The following CTNNA3 variants were observed in gnomAD, a reference collection of about 807,000 sequenced individuals.
CTNNA3 encodes the protein catenin alpha-3.
A neutral mutation model predicts 95.7 loss-of-function variants in CTNNA3; 76 were observed. The ratio of observed to expected loss-of-function variants is 0.79; its 90% CI spans 0.66 to 0.96. The LOEUF (loss-of-function observed/expected upper bound fraction) is 0.96, where lower values mean the gene tolerates loss of function less well. Among genes scored for constraint, CTNNA3 ranks in the 40% least tolerant of loss-of-function variants. CTNNA3 has a pLI of 0.00. For missense variants in CTNNA3, 1,191 were observed against 1,089.8 expected, an observed-to-expected ratio of 1.09 and a Z score of -1.31; for synonymous variants, 431 against 374.4, an observed-to-expected ratio of 1.15 and a Z score of -1.74.
chr10:66,996,874 T>C (rs773316108), intron 7 of CTNNA3, among the ~76,000 whole-genome samples: 2 of 152,074 alleles, frequency 1.3e-5, no homozygotes, highest in Non-Finnish European at 2.9e-5. Context: ...CATCTGTAAA[T>C]GTTCAGCAAT....
chr10:66,058,577 C>A (rs746316170), intron 15 of CTNNA3, among the ~76,000 whole-genome samples: 1 of 152,144 alleles, frequency 6.6e-6, no homozygotes, highest in Non-Finnish European at 1.5e-5. Flanking sequence ...CCAGTCAGAT[C>A]TTAGGCTCTC....
In CTNNA3 at chr10:67,564,677, G is replaced by GTATGTA. The variant is rs1554854250; in HGVS notation, c.293-25009_293-25008insTACATA. 4.9e-4 allele frequency among the ~76,000 whole-genome samples: 30 copies of GTATGTA among 61,312 alleles called. 1 individual carries two copies. The highest frequency in any genetic ancestry group is 1.9e-3 in the African/African-American group (30 of 15,664). The allele number at this position is 61,312 out of a possible 152,430, so 40.2% of individuals were successfully genotyped here. A position where few individuals can be genotyped will look rare whatever the true frequency, so the allele number is the denominator to read the frequency against. ...TATATGCATATATGTGTGTGTGTGT[G>GTATGTA]TATATATATATATATATATATATAT... On this transcript the variant is annotated intron_variant, in intron 3 of 17. Transcript: ENST00000433211.
chr10:65,930,587 C>T (rs1426373184), intron 17 of CTNNA3, among the ~76,000 whole-genome samples: 5 of 152,156 alleles, frequency 3.3e-5, no homozygotes, highest in Admixed American at 1.3e-4. Context: ...TTTAGTATGT[C>T]GTGATTTCAT....
At chr10:66,562,909 A>G (rs531441561) in intron 10 of CTNNA3, among the ~76,000 whole-genome samples, 1 of 152,248 alleles carries the variant, frequency 6.6e-6, no homozygotes, top group East Asian at 1.9e-4. Context: ...ACTCCTATTA[A>G]TGATCACTTT....
chr10:67,688,883 T>C (rs564202449), intron 1 of CTNNA3, among the ~76,000 whole-genome samples: 2 of 152,266 alleles, frequency 1.3e-5, no homozygotes, highest in South Asian at 4.2e-4. Flanking sequence ...CTGATCAGAA[T>C]AGTTGTGCTC....
At chr10:66,643,978 C>A (rs909325183) in intron 9 of CTNNA3, among the ~76,000 whole-genome samples, 4 of 152,076 alleles carry the variant, frequency 2.6e-5, no homozygotes, top group South Asian at 2.1e-4. Context: ...ACAAAATAGG[C>A]CAGGCATGGA....
At chr10:66,387,226 C>G (rs143109139) in intron 11 of CTNNA3, among the ~76,000 whole-genome samples, 2,513 of 151,956 alleles carry the variant, frequency 0.017, 68 homozygotes, top group African/African-American at 0.058. Flanking sequence ...CCAGAATCTA[C>G]AAAGAACTCA....
At chr10:65,949,111 T>C (rs1311317658) in intron 17 of CTNNA3, among the ~76,000 whole-genome samples, 3 of 152,210 alleles carry the variant, frequency 2.0e-5, no homozygotes, top group Non-Finnish European at 4.4e-5. Flanking sequence ...ATTTTTTGCT[T>C]GTCTTTTCTT....
chr10:66,043,134 G>GAAAAAAA (rs60278132), intron 15 of CTNNA3, among the ~76,000 whole-genome samples: 1 of 102,934 alleles, frequency 9.7e-6, no homozygotes, highest in African/African-American at 3.8e-5. Flanking sequence ...TCCGGGTAAT[G>GAAAAAAA]AAAAAAAAAA....
intron 13 of CTNNA3, among the ~76,000 whole-genome samples, chr10:66,227,905 T>C (rs1006089963): frequency 1.3e-5 from 2 of 152,144 alleles, no homozygotes; most frequent in African/African-American, 4.8e-5. Context: ...TCTTCGAAGG[T>C]GGATGTATCC....
chr10:67,578,996 GATATATATATATATAT>G (rs533690910), intron 3 of CTNNA3, among the ~76,000 whole-genome samples: 17,508 of 77,580 alleles, frequency 0.23, 1,689 homozygotes, highest in African/African-American at 0.43. Flanking sequence ...TGATCATAGT[GATATATATATATATAT>G]ATATATATAT....
intron 17 of CTNNA3, among the ~76,000 whole-genome samples, chr10:65,943,877 TG>T: frequency 6.6e-6 from 1 of 152,206 alleles, no homozygotes; most frequent in African/African-American, 2.4e-5. Context: ...CTAAAGGAGA[TG>T]TTGTATATAA....
intron 7 of CTNNA3, among the ~76,000 whole-genome samples, chr10:67,060,249 T>C (rs1455228941): frequency 2.6e-5 from 4 of 151,970 alleles, no homozygotes; most frequent in Non-Finnish European, 4.4e-5. Context: ...GCCTGGGAGG[T>C]AGAGGCTGCA....
intron 14 of CTNNA3, among the ~76,000 whole-genome samples, chr10:66,074,394 T>A (rs1442124701): frequency 6.6e-6 from 1 of 151,924 alleles, no homozygotes; most frequent in Non-Finnish European, 1.5e-5. Context: ...AATTAGTACA[T>A]CACAGGGATC....
rs1189059770 is a variant in CTNNA3 at position 66,942,576 on chromosome 10, C to CTG, written c.1048-167054_1048-167053dup. ...TCTCTCTCTCTCTCTCTCTCTCTCT[C>CTG]TGTGTGTGTGTATGTGTGTGTGTGT... On this transcript the variant is annotated intron_variant, in intron 7 of 17. Transcript: ENST00000433211. Among the ~76,000 whole-genome samples the CTG allele has an allele frequency of 5.6e-4, 79 of 140,358 alleles. 1 individual carries two copies. Among genetic ancestry groups the CTG allele is most frequent in the African/African-American group, 2.0e-3 (74 of 36,170 alleles). 92.1% of individuals were successfully genotyped at this position (140,358 alleles called of 152,430 possible).
At chr10:66,475,133 T>A (rs1839278608) in intron 11 of CTNNA3, among the ~76,000 whole-genome samples, 2 of 151,982 alleles carry the variant, frequency 1.3e-5, no homozygotes, top group African/African-American at 2.4e-5. Context: ...GCTTTTGAAT[T>A]CTTGACCAAA....
At chr10:67,197,447 A>G (rs1194862409) in intron 6 of CTNNA3, among the ~76,000 whole-genome samples, 1 of 152,104 alleles carries the variant, frequency 6.6e-6, no homozygotes, top group Non-Finnish European at 1.5e-5. Flanking sequence ...TGCATAGTAG[A>G]GCATTAAAAA....
chr10:67,528,099 A>G (rs1003656770), intron 4 of CTNNA3, among the ~76,000 whole-genome samples: 2 of 152,194 alleles, frequency 1.3e-5, no homozygotes, highest in Non-Finnish European at 2.9e-5. Flanking sequence ...AAATATTTAA[A>G]GGGCACTCAT....
chr10:66,697,690 C>A (rs897985196), intron 9 of CTNNA3, among the ~76,000 whole-genome samples: 3 of 152,070 alleles, frequency 2.0e-5, no homozygotes, highest in Non-Finnish European at 4.4e-5. Context: ...TAAATTAAAA[C>A]TTATTACACT....
Sources: allele counts gnomAD v4.1 joint callset (sites outside exome capture counted in the v4.1 genomes callset), GRCh38; gene constraint gnomAD v4.1.1; transcripts MANE v1.5; gene names NCBI Gene and HGNC (gene_info 2026-07-23, HGNC 2026-07-21).